The following OSMR variants were observed in gnomAD, a reference collection of about 807,000 sequenced individuals.
OSMR encodes oncostatin-M-specific receptor subunit beta.
Under a neutral mutation model 99.9 loss-of-function variants are expected in OSMR, and 81 were observed. The observed-to-expected ratio is 0.81, with a 90% CI of 0.68 to 0.97. The LOEUF (loss-of-function observed/expected upper bound fraction) is 0.97, where lower values mean the gene tolerates loss of function less well. Among genes scored for constraint, OSMR ranks in the 50% least tolerant of loss-of-function variants. OSMR has a pLI of 0.00. For missense variants in OSMR, 1,099 were observed against 1,153.4 expected (o/e 0.95, Z 0.68); for synonymous variants, 406 against 410.4 (o/e 0.99, Z 0.13).
intron 9 of OSMR, among the ~76,000 whole-genome samples, chr5:38,906,809 A>T (rs1745266982): frequency 6.6e-6 from 1 of 152,232 alleles, no homozygotes; most frequent in African/African-American, 2.4e-5. Context: ...GTTCCAAAAC[A>T]GTTCTTCTTT....
At chr5:38,943,426 T>C (rs1375241553) in intron 1 of OSMR, among the ~76,000 whole-genome samples, 2 of 152,104 alleles carry the variant, frequency 1.3e-5, no homozygotes, top group Non-Finnish European at 2.9e-5. Flanking sequence ...AGTGACCAGT[T>C]AAGGGCCCGC....
At chr5:38,862,189 C>T (rs1354054166) in intron 1 of OSMR, among the ~76,000 whole-genome samples, 7 of 123,388 alleles carry the variant, frequency 5.7e-5, no homozygotes, top group African/African-American at 2.2e-4. Flanking sequence ...CCAGTAGGGG[C>T]GGCCGGGCAG....
chr5:38,881,902 TA>T, intron 4 of OSMR, 138 bp downstream of exon 4: 2 of 735,264 alleles, frequency 2.7e-6, no homozygotes, highest in Non-Finnish European at 4.6e-6. Context: ...CTATGGGAAC[TA>T]AAAAACACAG....
At chr5:38,863,469 A>G (rs1216374287) in intron 1 of OSMR, among the ~76,000 whole-genome samples, 3 of 151,878 alleles carry the variant, frequency 2.0e-5, no homozygotes, top group Admixed American at 6.5e-5. Context: ...CCAGGGAGGC[A>G]GAGGTTGCAG....
intron 15 of OSMR, among the ~76,000 whole-genome samples, chr5:38,929,242 T>G (rs1746610655): frequency 6.6e-6 from 1 of 152,204 alleles, no homozygotes; most frequent in South Asian, 2.1e-4. Context: ...GATGTAATGT[T>G]GACATTGCAA....
At chr5:38,905,488 A>G (rs1178770857) in intron 9 of OSMR, among the ~76,000 whole-genome samples, 1 of 17,948 alleles carries the variant, frequency 5.6e-5, no homozygotes, top group East Asian at 1.5e-3. Context: ...ACTCCATCTC[A>G]AAAAAAAAAA....
chr5:38,927,589 C>A (rs763775050), intron 15 of OSMR, among the ~76,000 whole-genome samples: 1 of 152,164 alleles, frequency 6.6e-6, no homozygotes, highest in Non-Finnish European at 1.5e-5. Flanking sequence ...CGGCACAGAG[C>A]AGGGCAGCCC....
chr5:38,898,032 C>A (rs926042941), intron 7 of OSMR, among the ~76,000 whole-genome samples: 1 of 152,096 alleles, frequency 6.6e-6, no homozygotes, highest in African/African-American at 2.4e-5. Flanking sequence ...TATAATCTAT[C>A]CTTGAAAGTG....
chr5:38,933,022 C>A lies in OSMR; in HGVS notation c.2518C>A (p.Leu840Ile). 1.2e-6 allele frequency: 2 copies of A among 1,614,200 alleles called. No homozygotes were observed. Among genetic ancestry groups the A allele is most frequent in the Non-Finnish European group, 1.7e-6 (2 of 1,180,020 alleles). The change falls in exon 18 of 18, where the codon CTC becomes ATC. Residue 840 changes from leucine to isoleucine, a missense_variant. By Grantham distance (5) the Leu-to-Ile change is conservative. Transcript: ENST00000274276. ...TELTKPNYLY[L>I]LPTEKNHSGP... ...GTTGACTAAGCCTAACTACCTTTAT[C>A]TCCTTCCAACAGAAAAGAATCACTC...
chr5:38,936,282 A>G (rs1747034371), downstream of OSMR, among the ~76,000 whole-genome samples: 1 of 152,126 alleles, frequency 6.6e-6, no homozygotes, highest in East Asian at 1.9e-4. Flanking sequence ...TTTCATGTCA[A>G]TATCTGAGTT....
intron 15 of OSMR, among the ~76,000 whole-genome samples, chr5:38,929,399 T>C (rs923303107): frequency 6.6e-6 from 1 of 152,232 alleles, no homozygotes; most frequent in African/African-American, 2.4e-5. Context: ...CAACTGTAAT[T>C]TGTGTTTTTA....
intron 4 of OSMR, among the ~76,000 whole-genome samples, chr5:38,882,489 C>T (rs764483365): frequency 2.9e-4 from 44 of 151,938 alleles, no homozygotes; most frequent in Non-Finnish European, 1.2e-4. Flanking sequence ...GCAGGAGAAT[C>T]GCTTGAACCC....
At chr5:38,931,329 G>A (rs1746739935) in intron 15 of OSMR, among the ~76,000 whole-genome samples, 1 of 152,144 alleles carries the variant, frequency 6.6e-6, no homozygotes, top group South Asian at 2.1e-4. Context: ...CTAGACTGGG[G>A]TAAGCTGGAC....
chr5:38,862,008 G>A (rs1741410689), intron 1 of OSMR, among the ~76,000 whole-genome samples: 2 of 125,000 alleles, frequency 1.6e-5, no homozygotes, highest in African/African-American at 3.1e-5. Context: ...GGGGCGGCTG[G>A]CCGGGCAGAG....
At chr5:38,926,374 C>A (rs1483274719) in intron 15 of OSMR, among the ~76,000 whole-genome samples, 6 of 152,110 alleles carry the variant, frequency 3.9e-5, no homozygotes, top group Non-Finnish European at 7.4e-5. Flanking sequence ...TAAAGAACTG[C>A]CTGAGAGGGG....
Position 38,890,137 on chromosome 5 carries a change from G to A in OSMR, c.991+3947G>A, listed in dbSNP as rs370197962. On this transcript the variant is annotated intron_variant, in intron 7 of 17. Coordinates refer to ENST00000274276, the MANE Select transcript of OSMR (RefSeq NM_003999.3). ...GTCGTAGAAGGTGTCTATGTGATAC[G>A]TGTTCATTGAAATTGTTGAGGTTTG... Among the ~76,000 whole-genome samples, 6 of 152,142 alleles carry A rather than the reference G, an allele frequency of 3.9e-5. No homozygotes were observed. In the East Asian group the frequency reaches 5.8e-4, roughly 15 times the overall value.
chr5:38,893,177 G>A (rs945060321), intron 7 of OSMR, among the ~76,000 whole-genome samples: 1 of 152,224 alleles, frequency 6.6e-6, no homozygotes, highest in African/African-American at 2.4e-5. Flanking sequence ...AAGCCATGCA[G>A]CTCCAAATGA....
At chr5:38,867,929 A>G (rs391197) in intron 1 of OSMR, among the ~76,000 whole-genome samples, 123 of 53,156 alleles carry the variant, frequency 2.3e-3, no homozygotes, top group East Asian at 0.017. Flanking sequence ...ATTTGGAGAT[A>G]GGGAATAATG....
intron 9 of OSMR, among the ~76,000 whole-genome samples, chr5:38,914,970 TC>T (rs1004018749): frequency 1.3e-5 from 2 of 152,166 alleles, no homozygotes; most frequent in Non-Finnish European, 2.9e-5. Flanking sequence ...GCACATGTAC[TC>T]CCTGACTCTA....
Sources: allele counts gnomAD v4.1 joint callset (sites outside exome capture counted in the v4.1 genomes callset), GRCh38; gene constraint gnomAD v4.1.1; transcripts MANE v1.5; gene names NCBI Gene and HGNC (gene_info 2026-07-23, HGNC 2026-07-21).